The following MTDH variants were observed in gnomAD, a reference collection of about 807,000 sequenced individuals.
The protein encoded by MTDH is metadherin, also known as protein LYRIC.
Under a neutral mutation model 72.7 loss-of-function variants are expected in MTDH, and 34 were observed. That is an observed-to-expected ratio of 0.47 (90% CI 0.36 to 0.62). MTDH has a LOEUF of 0.62. Among genes scored for constraint, MTDH ranks in the 20% least tolerant of loss-of-function variants. MTDH has a pLI of 0.00. For synonymous variants in MTDH, 266 were observed against 268.9 expected, an observed-to-expected ratio of 0.99 and a Z score of 0.10; for missense variants, 677 against 699.4, an observed-to-expected ratio of 0.97 and a Z score of 0.36.
chr8:97,729,086 A>C lies in MTDH; in HGVS notation c.*4416A>C, dbSNP rs937552809. ...AGGTACACACCACCATGCCTGGCTA[A>C]ATTTTTTTTTTTTTTTTTTGGTAGA... On this transcript the variant is annotated 3_prime_UTR_variant, in exon 12 of 12. Transcript: ENST00000336273. Among the ~76,000 whole-genome samples, 11 of 107,234 alleles carry C rather than the reference A, an allele frequency of 1.0e-4. No homozygotes were observed. In the South Asian group the frequency reaches 1.8e-3, roughly 17 times the overall value. 70.3% of individuals were successfully genotyped at this position (107,234 alleles called of 152,430 possible).
chr8:97,720,060 G>T (rs1267335359), intron 10 of MTDH, among the ~76,000 whole-genome samples: 2 of 152,174 alleles, frequency 1.3e-5, no homozygotes, highest in Non-Finnish European at 2.9e-5. Flanking sequence ...GCCAAGGTGG[G>T]TGGATCACAA....
At chr8:97,666,302 T>A (rs940755700) in intron 2 of MTDH, among the ~76,000 whole-genome samples, 1 of 152,228 alleles carries the variant, frequency 6.6e-6, no homozygotes, top group Non-Finnish European at 1.5e-5. Flanking sequence ...AGGTCTTAAA[T>A]TTTTATGATG....
intron 6 of MTDH, among the ~76,000 whole-genome samples, chr8:97,695,219 T>C (rs1209663238): frequency 6.6e-6 from 1 of 151,032 alleles, no homozygotes; most frequent in Non-Finnish European, 1.5e-5. Flanking sequence ...GTTCAAGCAA[T>C]TCTCCTGCCT....
intron 6 of MTDH, among the ~76,000 whole-genome samples, chr8:97,692,912 A>G (rs1813675976): frequency 6.6e-6 from 1 of 151,732 alleles, no homozygotes; most frequent in Non-Finnish European, 1.5e-5. Context: ...GTATTTTTTT[A>G]GTAGAGGTGG....
intron 9 of MTDH, among the ~76,000 whole-genome samples, chr8:97,714,524 A>G (rs1456775010): frequency 1.3e-5 from 2 of 151,914 alleles, no homozygotes; most frequent in Non-Finnish European, 2.9e-5. Context: ...GGATCACTTG[A>G]GCCCGGGAGG....
At chr8:97,701,796 A>G (rs957658614) in intron 7 of MTDH, among the ~76,000 whole-genome samples, 2 of 152,146 alleles carry the variant, frequency 1.3e-5, no homozygotes, top group African/African-American at 4.8e-5. Flanking sequence ...TTTTATCCAT[A>G]TTAAGATACT....
At chr8:97,657,145 T>C (rs1812010534) in intron 1 of MTDH, among the ~76,000 whole-genome samples, 1 of 152,126 alleles carries the variant, frequency 6.6e-6, no homozygotes, top group Non-Finnish European at 1.5e-5. Context: ...TGTTCCTTTG[T>C]GCATGCATTT....
intron 2 of MTDH, among the ~76,000 whole-genome samples, chr8:97,680,406 C>T (rs1360602346): frequency 6.6e-6 from 1 of 152,152 alleles, no homozygotes; most frequent in Non-Finnish European, 1.5e-5. Flanking sequence ...GAGCCATTTG[C>T]TGTTCCACGT....
At chr8:97,649,803 A>G (rs986075604) in intron 1 of MTDH, among the ~76,000 whole-genome samples, 7 of 152,174 alleles carry the variant, frequency 4.6e-5, no homozygotes, top group Admixed American at 2.0e-4. Context: ...GAGTTTCACC[A>G]TGTTGCCCAC....
At chr8:97,664,399 G>A (rs1202004980) in intron 2 of MTDH, among the ~76,000 whole-genome samples, 1 of 151,740 alleles carries the variant, frequency 6.6e-6, no homozygotes, top group Non-Finnish European at 1.5e-5. Flanking sequence ...GGATGTGAAC[G>A]CAGCTTATTC....
chr8:97,723,533 G>A (rs1815223172), intron 11 of MTDH, among the ~76,000 whole-genome samples: 1 of 149,324 alleles, frequency 6.7e-6, no homozygotes, highest in Non-Finnish European at 1.5e-5. Context: ...CACTAGGTCA[G>A]GAGATCGAGA....
intron 6 of MTDH, among the ~76,000 whole-genome samples, chr8:97,693,238 G>A (rs929157055): frequency 2.0e-5 from 3 of 151,700 alleles, no homozygotes; most frequent in African/African-American, 7.3e-5. Context: ...TTTCTAATTC[G>A]ATAAGCAAAA....
chr8:97,668,754 CATG>C (rs1330020101), intron 2 of MTDH, among the ~76,000 whole-genome samples: 1 of 152,054 alleles, frequency 6.6e-6, no homozygotes, highest in East Asian at 1.9e-4. Context: ...GGGATTTCAC[CATG>C]TTGGCCAGGC....
chr8:97,682,228 CTTTATATATATATATATATATATATATA>C (rs1813111914), intron 2 of MTDH, among the ~76,000 whole-genome samples: 1 of 44,028 alleles, frequency 2.3e-5, no homozygotes. Flanking sequence ...TTGTTAATTA[CTTTATATATATATATATATATATATATA>C]TATATATATA....
Position 97,724,632 on chromosome 8 carries a change from CAAAT to C in MTDH, c.1715_1718del (p.Ile572LysfsTer34). On this transcript the variant is annotated frameshift_variant, in exon 12 of 12. Coordinates refer to ENST00000336273, the MANE Select transcript of MTDH (RefSeq NM_178812.4). LOFTEE classifies it high-confidence loss of function. ...TGAAACTAGCTGGGAATCTCCCAAA[CAAAT>C]AAAAAAGAAGAAAAAAGCCAGACGA... The C allele has an allele frequency of 6.3e-7, 1 of 1,592,184 alleles. No homozygotes were observed. The highest frequency in any genetic ancestry group is 8.5e-7 in the Non-Finnish European group (1 of 1,174,918).
chr8:97,695,190 C>T (rs1224890766), intron 6 of MTDH, among the ~76,000 whole-genome samples: 1 of 150,722 alleles, frequency 6.6e-6, no homozygotes. Flanking sequence ...CTCACTGCAA[C>T]CTCACCTCCC....
At chr8:97,654,271 G>T (rs1489322223) in intron 1 of MTDH, among the ~76,000 whole-genome samples, 2 of 152,220 alleles carry the variant, frequency 1.3e-5, no homozygotes, top group Non-Finnish European at 2.9e-5. Flanking sequence ...TATGGTTTAT[G>T]TGTATGTTTA....
chr8:97,730,108 T>G lies in MTDH; in HGVS notation c.*5438T>G, dbSNP rs986292597. On this transcript the variant is annotated 3_prime_UTR_variant, in exon 12 of 12. Coordinates refer to ENST00000336273, the MANE Select transcript of MTDH (RefSeq NM_178812.4). ...GTGAATACGTTAATTGAGAAAACTT[T>G]AAGCAGGTTCAAAGTTATCCCATGA... is the stretch of plus-strand genomic sequence containing the variant. Among the ~76,000 whole-genome samples the G allele has an allele frequency of 5.9e-5, 9 of 152,224 alleles. No homozygotes were observed. Among genetic ancestry groups the G allele is most frequent in the African/African-American group, 2.2e-4 (9 of 41,458 alleles).
chr8:97,696,868 A>G (rs1813854527), intron 6 of MTDH, among the ~76,000 whole-genome samples: 2 of 151,718 alleles, frequency 1.3e-5, no homozygotes, highest in Non-Finnish European at 2.9e-5. Context: ...CTCTAATCCC[A>G]GCACGTAGCG....
Sources: gnomAD v4.1 joint callset for allele counts (sites outside exome capture counted in the v4.1 genomes callset) on GRCh38, gnomAD v4.1.1 for gene constraint, MANE v1.5 for transcripts, NCBI Gene and HGNC (gene_info 2026-07-23, HGNC 2026-07-21) for gene names.